Variants in COL1A2 observed in about 807,000 individuals in gnomAD.
COL1A2 encodes collagen type I alpha 2 chain.
In COL1A2, 49 loss-of-function variants were observed where a neutral mutation model predicts 174.3. The observed-to-expected ratio is 0.28, with a 90% CI of 0.22 to 0.36. The LOEUF (loss-of-function observed/expected upper bound fraction) is 0.36. Ranked by LOEUF, COL1A2 falls within the 10% of genes least tolerant of loss-of-function variation. The pLI is 1.00. For missense variants in COL1A2, 1,438 were observed against 1,822.7 expected (o/e 0.79, Z 3.84); for synonymous variants, 655 against 606.6 (o/e 1.08, Z -1.17).
intron 24 of COL1A2, 107 bp downstream of exon 24, chr7:94,412,228 G>A: frequency 1.1e-6 from 1 of 928,686 alleles, no homozygotes; most frequent in South Asian, 1.4e-5. Flanking sequence ...ATAAATATCA[G>A]ACACATACAT....
At chr7:94,402,623 T>C (rs1791710224) in intron 6 of COL1A2, among the ~76,000 whole-genome samples, 1 of 152,106 alleles carries the variant, frequency 6.6e-6, no homozygotes, top group South Asian at 2.1e-4. Flanking sequence ...TACTAGCATA[T>C]ATGAAATAGA....
intron 48 of COL1A2, 123 bp from the exon 49 acceptor site, chr7:94,427,504 T>C: frequency 7.8e-7 from 1 of 1,276,568 alleles, no homozygotes; most frequent in Non-Finnish European, 1.1e-6. Context: ...TTATGTGAAC[T>C]TGATTATTTT....
rs780523903 is a variant in COL1A2, at chr7:94,411,223, A to T, written c.1350+69A>T. 4.2e-5 allele frequency: 51 copies of T among 1,212,032 alleles called. No individual in the cohort carries two copies. In the African/African-American group the frequency reaches 6.6e-4, roughly 16 times the overall value. The allele number at this position is 1,212,032 out of a possible 1,614,324, so 75.1% of individuals were successfully genotyped here. A position where few individuals can be genotyped will look rare whatever the true frequency, so the allele number is the denominator to read the frequency against. On this transcript the variant is annotated intron_variant, in intron 23 of 51. Transcript: ENST00000297268. ...TTCCTTCTTTAAAGGGTTGGTTAAT[A>T]TTGAAGATAACAATAAAAACATCAA...
chr7:94,406,877 G>A (rs923622042), intron 12 of COL1A2, among the ~76,000 whole-genome samples: 1 of 152,184 alleles, frequency 6.6e-6, no homozygotes, highest in Non-Finnish European at 1.5e-5. Context: ...TGATATTAAA[G>A]TGAATACCAA....
chr7:94,410,232 T>C lies in COL1A2; in HGVS notation c.1036-10T>C, dbSNP rs1363231522. 11 of 1,613,426 alleles carry C rather than the reference T, an allele frequency of 6.8e-6. 1 individual carries two copies. Among genetic ancestry groups the C allele is most frequent in the Non-Finnish European group, 9.3e-6 (11 of 1,179,996 alleles). On this transcript the variant is annotated splice_polypyrimidine_tract_variant and intron_variant, in intron 19 of 51. Transcript: ENST00000297268. ...TTGTCCTTTGACCACTGTTCTGTATTGAACCCTAGGGTGAGCCTGGTCCAG... is the reference window on the plus strand; with the variant it reads ...TTGTCCTTTGACCACTGTTCTGTATCGAACCCTAGGGTGAGCCTGGTCCAG...
chr7:94,402,407 C>T (rs1176888299), intron 6 of COL1A2, among the ~76,000 whole-genome samples: 2 of 151,916 alleles, frequency 1.3e-5, no homozygotes, highest in African/African-American at 2.4e-5. Flanking sequence ...GATTGTAAAT[C>T]TATATAGAAG....
chr7:94,401,011 A>G (rs1791678239), intron 5 of COL1A2, among the ~76,000 whole-genome samples: 1 of 152,236 alleles, frequency 6.6e-6, no homozygotes, highest in South Asian at 2.1e-4. Flanking sequence ...GATCTTTAAC[A>G]GTAAAGTTAT....
At chr7:94,415,569 A>G (rs1792023118) in intron 30 of COL1A2, among the ~76,000 whole-genome samples, 1 of 152,230 alleles carries the variant, frequency 6.6e-6, no homozygotes, top group Non-Finnish European at 1.5e-5. Flanking sequence ...AACTTGAGCT[A>G]AGGAAAAATA....
intron 38 of COL1A2, chr7:94,421,379 A>G (rs985081982): frequency 1.1e-5 from 5 of 443,552 alleles, no homozygotes; most frequent in African/African-American, 6.0e-5. Context: ...TCTCCTTTGC[A>G]GGCAATGCTA....
chr7:94,429,647 G>A (rs910685970), intron 51 of COL1A2: 2 of 535,970 alleles, frequency 3.7e-6, no homozygotes, highest in East Asian at 3.2e-5. Context: ...TAAATTCAGA[G>A]TATTCTTATC....
At chr7:94,409,900 T>C (rs1263504120) in intron 19 of COL1A2, 79 bp downstream of exon 19, 13 of 1,372,006 alleles carry the variant, frequency 9.5e-6, no homozygotes, top group African/African-American at 4.3e-5. Flanking sequence ...AGACTTCCAC[T>C]TGTAGTTTTA....
At chr7:94,407,806 G>A (rs1390220424) in intron 12 of COL1A2, 41 bp from the exon 13 acceptor site, 6 of 1,593,326 alleles carry the variant, frequency 3.8e-6, no homozygotes, top group Non-Finnish European at 5.2e-6. Flanking sequence ...AAAAATAATT[G>A]TTATATTTAA....
Position 94,424,178 on chromosome 7 carries a change from T to C in COL1A2, c.2566-158T>C, listed in dbSNP as rs1792227045. The C allele has an allele frequency of 4.5e-5, 29 of 649,320 alleles. No individual in the cohort carries two copies. In the South Asian group the frequency reaches 4.9e-4, roughly 11 times the overall value. 40.2% of individuals were successfully genotyped at this position (649,320 alleles called of 1,614,324 possible). On this transcript the variant is annotated intron_variant, in intron 40 of 51. Coordinates refer to ENST00000297268, the MANE Select transcript of COL1A2 (RefSeq NM_000089.4). ...TTCATGCCAAGATGTAAACTCACCG[T>C]CATCACTAGAGAAAAGATATCCAAG...
In COL1A2 at chr7:94,412,670, C is replaced by G; in HGVS notation, c.1491C>G (p.Pro497=). Residue 497 remains proline (P), a synonymous_variant, in exon 25 of 52, where the codon CCC becomes CCG. Coordinates refer to ENST00000297268, the MANE Select transcript of COL1A2 (RefSeq NM_000089.4). ...CTGGCAACATTGGATTCCCTGGACC[C>G]AAAGGCCCCACTGTAAGAATCACCA... is the stretch of plus-strand genomic sequence containing the variant. ...GEPGNIGFPG[P]KGPTGDPGKN... 6.2e-7 allele frequency: 1 copy of G among 1,614,054 alleles called. No homozygotes were observed. The highest frequency in any genetic ancestry group is 8.5e-7 in the Non-Finnish European group (1 of 1,179,968).
At position 94,426,426 on chromosome 7, in the gene COL1A2, C is replaced by T. The variant is rs753397550; in HGVS notation, c.3001C>T (p.Pro1001Ser). Reference protein sequence around the residue: ...GAVGPRGPSGPQGIRGDKGEP... With the variant: ...GAVGPRGPSGSQGIRGDKGEP... Reference sequence around the variant, plus strand: ...CCATCCTTCTGTTTCTTTATAGGGCCCACAAGGCATTCGTGGCGATAAGGG... The same window carrying T: ...CCATCCTTCTGTTTCTTTATAGGGCTCACAAGGCATTCGTGGCGATAAGGG... Residue 1001 changes from proline (P) to serine (S), a missense_variant, in exon 46 of 52, where the codon CCA (proline) becomes TCA (serine). Pro to Ser is a moderately conservative substitution (Grantham distance 74). Transcript: ENST00000297268. 5 of 1,592,730 alleles carry T rather than the reference C, an allele frequency of 3.1e-6. No individual in the cohort carries two copies. In the African/African-American group the frequency reaches 5.4e-5, roughly 17 times the overall value.
chr7:94,402,712 G>A (rs1289356450), intron 6 of COL1A2, among the ~76,000 whole-genome samples: 1 of 152,062 alleles, frequency 6.6e-6, no homozygotes, highest in Non-Finnish European at 1.5e-5. Flanking sequence ...ACGCAATTTA[G>A]TGATTTTAAT....
chr7:94,428,202 T>C lies in COL1A2; in HGVS notation c.3527-91T>C, dbSNP rs1437956860. The C allele has an allele frequency of 7.8e-6, 9 of 1,148,518 alleles. No homozygotes were observed. In the Admixed American group the frequency reaches 1.0e-4, roughly 13 times the overall value. The allele number at this position is 1,148,518 out of a possible 1,614,324, so 71.1% of individuals were successfully genotyped here. ...GGGGTAGACAATCAAAAATGTTACTTATGAGAGTCAGTATCTTTCATTAGT... is the reference window on the plus strand; with the variant it reads ...GGGGTAGACAATCAAAAATGTTACTCATGAGAGTCAGTATCTTTCATTAGT... On this transcript the variant is annotated intron_variant, in intron 49 of 51. Coordinates refer to ENST00000297268, the MANE Select transcript of COL1A2 (RefSeq NM_000089.4).
intron 1 of COL1A2, 26 bp downstream of exon 1, chr7:94,395,127 G>C (rs1791557565): frequency 1.2e-6 from 2 of 1,606,336 alleles, no homozygotes; most frequent in African/African-American, 2.7e-5. Flanking sequence ...TTGTTTGGGG[G>C]AGACTGGGTA....
At chr7:94,421,302 T>G in intron 38 of COL1A2, 1 of 578,232 alleles carries the variant, frequency 1.7e-6, no homozygotes, top group Non-Finnish European at 3.1e-6. Flanking sequence ...AGTTTAATTG[T>G]AAAGTCGGAA....
Sources: allele counts gnomAD v4.1 joint callset (sites outside exome capture counted in the v4.1 genomes callset), GRCh38; gene constraint gnomAD v4.1.1; transcripts MANE v1.5; gene names NCBI Gene and HGNC (gene_info 2026-07-23, HGNC 2026-07-21).